Variants in CCDC30 observed in about 807,000 individuals in gnomAD.
CCDC30 encodes coiled-coil domain-containing protein 30.
In CCDC30, 70 loss-of-function variants were observed where a neutral mutation model predicts 100.2. The ratio of observed to expected loss-of-function variants is 0.70; its 90% confidence interval spans 0.58 to 0.85. The LOEUF is 0.85. Ranked by LOEUF, CCDC30 falls within the 40% of genes least tolerant of loss-of-function variation. CCDC30 has a pLI of 0.00. For missense variants in CCDC30, 652 were observed against 771.2 expected, an observed-to-expected ratio of 0.85 and a Z score of 1.83; for synonymous variants, 233 against 269.5, an observed-to-expected ratio of 0.86 and a Z score of 1.33.
rs1553194036 is a variant in CCDC30 at position 42,553,675 on chromosome 1, A to ACACACACG, written c.457-12614_457-12613insGCACACAC. On this transcript the variant is annotated intron_variant, in intron 6 of 16. Coordinates refer to ENST00000668663, the Ensembl canonical transcript of CCDC30. ...CATACACACACACACACACACACAC[A>ACACACACG]CACACACACACACACACGGTATACA... 5.8e-3 allele frequency among the ~76,000 whole-genome samples: 875 copies of ACACACACG among 151,426 alleles called. 8 individuals are homozygous for ACACACACG. Among genetic ancestry groups the ACACACACG allele is most frequent in the African/African-American group, 0.02 (813 of 41,250 alleles).
intron 11 of CCDC30, among the ~76,000 whole-genome samples, chr1:42,613,301 C>T (rs1447094406): frequency 6.6e-6 from 1 of 152,162 alleles, no homozygotes; most frequent in Non-Finnish European, 1.5e-5. Flanking sequence ...GTCGCCCAGG[C>T]TGGAGTGCAG....
At chr1:42,456,519 G>T in the CCDC30 span, 1 of 1,435,294 alleles carries the variant, frequency 7.0e-7, no homozygotes, top group East Asian at 2.6e-5. Flanking sequence ...AAGGGGCGTG[G>T]CGCGGCGGCC....
At chr1:42,457,981 C>G in the CCDC30 span, among the ~76,000 whole-genome samples, 2 of 145,342 alleles carry the variant, frequency 1.4e-5, no homozygotes, top group Admixed American at 1.4e-4. Context: ...CACCAAAAAT[C>G]AAAACAAAAT....
chr1:42,484,536 C>T (rs1051405759), intron 3 of CCDC30, among the ~76,000 whole-genome samples: 4 of 152,116 alleles, frequency 2.6e-5, no homozygotes, highest in Non-Finnish European at 5.9e-5. Flanking sequence ...AACTGAAAGC[C>T]ATCTCCACAG....
intron 15 of CCDC30, 98 bp downstream of exon 19, chr1:42,646,415 GA>G (rs1647887405): frequency 7.9e-7 from 1 of 1,270,814 alleles, no homozygotes; most frequent in South Asian, 2.9e-5. Context: ...TTCTACACTG[GA>G]AAAAGTAAAA....
intron 6 of CCDC30, among the ~76,000 whole-genome samples, chr1:42,504,005 A>G (rs1186055450): frequency 6.6e-6 from 1 of 152,224 alleles, no homozygotes; most frequent in African/African-American, 2.4e-5. Flanking sequence ...AGATTTACCC[A>G]CATATTTATT....
At chr1:42,481,939 C>T (rs1419842455) in intron 2 of CCDC30, among the ~76,000 whole-genome samples, 1 of 152,138 alleles carries the variant, frequency 6.6e-6, no homozygotes, top group Non-Finnish European at 1.5e-5. Context: ...TCATTACAAG[C>T]TGGGTGCGGT....
intron 6 of CCDC30, among the ~76,000 whole-genome samples, chr1:42,506,737 A>C (rs1260896746): frequency 6.6e-6 from 1 of 152,178 alleles, no homozygotes; most frequent in Non-Finnish European, 1.5e-5. Context: ...TTGAAACTTG[A>C]AGTTTGATTT....
chr1:42,622,071 A>T (rs1413567969), intron 11 of CCDC30, among the ~76,000 whole-genome samples: 1 of 151,390 alleles, frequency 6.6e-6, no homozygotes, highest in African/African-American at 2.4e-5. Context: ...AACCATCCCC[A>T]CCTCCCCCAA....
chr1:42,600,447 G>A (rs1335719466), intron 10 of CCDC30, among the ~76,000 whole-genome samples: 2 of 152,132 alleles, frequency 1.3e-5, no homozygotes, highest in Non-Finnish European at 2.9e-5. Flanking sequence ...AAACCAGCCA[G>A]ATATAGTGGA....
intron 6 of CCDC30, 115 bp downstream of exon 6, chr1:42,499,031 C>T: frequency 2.1e-6 from 1 of 474,446 alleles, no homozygotes. Flanking sequence ...ATTGGGCTGT[C>T]TTTTTCTAAT....
At chr1:42,509,604 C>G (rs1644446426) in intron 6 of CCDC30, among the ~76,000 whole-genome samples, 1 of 152,124 alleles carries the variant, frequency 6.6e-6, no homozygotes, top group African/African-American at 2.4e-5. Context: ...AAGAAGAGGC[C>G]TGTAGCAAAG....
intron 11 of CCDC30, among the ~76,000 whole-genome samples, chr1:42,622,765 C>T (rs899267989): frequency 1.3e-5 from 2 of 152,206 alleles, no homozygotes; most frequent in Non-Finnish European, 1.5e-5. Flanking sequence ...TGGGCCACTA[C>T]GATGCCCAGC....
chr1:42,509,070 G>A (rs1644438683), intron 6 of CCDC30, among the ~76,000 whole-genome samples: 1 of 152,170 alleles, frequency 6.6e-6, no homozygotes, highest in African/African-American at 2.4e-5. Context: ...TTAGCTGCGA[G>A]TGTATGAGGT....
At chr1:42,626,732 T>C (rs900286261) in intron 11 of CCDC30, among the ~76,000 whole-genome samples, 1 of 152,140 alleles carries the variant, frequency 6.6e-6, no homozygotes, top group Non-Finnish European at 1.5e-5. Flanking sequence ...TGAGATCTGA[T>C]GGGTTTATCA....
chr1:42,581,491 A>G, exon 9 of CCDC30: 1 of 1,613,456 alleles, frequency 6.2e-7, no homozygotes, highest in Non-Finnish European at 8.5e-7. Flanking sequence ...TAAAGCAACA[A>G]TATCAAGAAG....
intron 6 of CCDC30, among the ~76,000 whole-genome samples, chr1:42,543,060 T>A (rs1256535496): frequency 1.3e-5 from 2 of 152,116 alleles, no homozygotes; most frequent in African/African-American, 2.4e-5. Context: ...CGTTCCTTTA[T>A]AATCTGACCT....
intron 6 of CCDC30, among the ~76,000 whole-genome samples, chr1:42,532,799 C>T (rs1644827009): frequency 6.6e-6 from 1 of 152,190 alleles, no homozygotes; most frequent in African/African-American, 2.4e-5. Context: ...CGGAGTCTCC[C>T]TCTGTCGCCC....
intron 1 of CCDC30, among the ~76,000 whole-genome samples, chr1:42,479,623 A>G (rs1338948706): frequency 6.6e-6 from 1 of 150,840 alleles, no homozygotes; most frequent in African/African-American, 2.4e-5. Flanking sequence ...CCCACTGGTG[A>G]GGAATGCCTG....
Sources: allele counts gnomAD v4.1 joint callset (sites outside exome capture counted in the v4.1 genomes callset), GRCh38; gene constraint gnomAD v4.1.1; transcripts MANE v1.5; gene names NCBI Gene and HGNC (gene_info 2026-07-23, HGNC 2026-07-21).